The following PLD1 variants were observed in gnomAD, a reference collection of about 807,000 sequenced individuals.
PLD1 encodes the protein choline phosphatase 1.
Under a neutral mutation model 137.1 loss-of-function variants are expected in PLD1, and 112 were observed. The observed-to-expected ratio is 0.82, with a 90% confidence interval of 0.70 to 0.96. The LOEUF is 0.96. PLD1 is among the 40% of genes least tolerant of loss of function. PLD1 has a pLI of 0.00. For synonymous variants in PLD1, 431 were observed against 454.7 expected (o/e 0.95, Z 0.66); for missense variants, 1,321 against 1,342.0 (o/e 0.98, Z 0.24).
chr3:171,609,520 AC>A (rs1732483039), intron 25 of PLD1, among the ~76,000 whole-genome samples: 1 of 138,760 alleles, frequency 7.2e-6, no homozygotes, highest in African/African-American at 3.1e-5. Context: ...ACACACACAC[AC>A]ACACACACAC....
intron 1 of PLD1, among the ~76,000 whole-genome samples, chr3:171,808,153 T>C (rs4389507): frequency 0.12 from 18,520 of 152,108 alleles, 1,183 homozygotes; most frequent in Middle Eastern, 0.21. Flanking sequence ...GGACCAGTTG[T>C]ACCCCCAACC....
intron 23 of PLD1, among the ~76,000 whole-genome samples, chr3:171,639,289 CTATA>C (rs1209171781): frequency 2.3e-5 from 3 of 132,444 alleles, no homozygotes; most frequent in Non-Finnish European, 4.7e-5. Flanking sequence ...CATATATTAT[CTATA>C]TATAAATATA....
intron 21 of PLD1, among the ~76,000 whole-genome samples, chr3:171,646,249 T>A (rs1736203658): frequency 6.6e-6 from 1 of 152,240 alleles, no homozygotes; most frequent in Admixed American, 6.5e-5. Context: ...GAGGACTATA[T>A]TCACACAAAG....
intron 22 of PLD1, chr3:171,643,165 C>T (rs1735913260): frequency 3.2e-6 from 1 of 312,224 alleles, no homozygotes; most frequent in African/African-American, 2.2e-5. Flanking sequence ...AAAGAAGGGT[C>T]ATGAATGAAC....
At chr3:171,736,612 G>A in intron 3 of PLD1, among the ~76,000 whole-genome samples, 1 of 152,110 alleles carries the variant, frequency 6.6e-6, no homozygotes, top group South Asian at 2.1e-4. Flanking sequence ...CAGGTAGGCT[G>A]GGACACAGCA....
rs1431844134 is a variant in PLD1, at chr3:171,687,701, CA to C, written c.1540-118del. The C allele has an allele frequency of 5.9e-6, 4 of 675,386 alleles. No individual in the cohort carries two copies. In the Admixed American group the frequency reaches 1.1e-4, roughly 19 times the overall value. 41.8% of individuals were successfully genotyped at this position (675,386 alleles called of 1,614,324 possible). ...CAAATGATGGAGGTTCTATAACAGA[CA>C]TGCAATAATGTCTGAGGTCAGCCAC... On this transcript the variant is annotated intron_variant, in intron 14 of 26. Transcript: ENST00000351298.
rs568547951 is a variant in PLD1 at position 171,638,771 on chromosome 3, T to C, written c.2593+4069A>G. Among the ~76,000 whole-genome samples, 6 of 152,316 alleles carry C rather than the reference T, an allele frequency of 3.9e-5. No individual in the cohort carries two copies. In the East Asian group the frequency reaches 5.8e-4, roughly 15 times the overall value. The stretch of plus-strand genomic sequence containing the variant: ...CTGGGCCAAGAGGTGCCCAGTTTAA[T>C]ATTGTTTCTGAGTGTGTCTGTGAGG... On this transcript the variant is annotated intron_variant, in intron 23 of 26. Coordinates refer to ENST00000351298, the MANE Select transcript of PLD1 (RefSeq NM_002662.5).
At chr3:171,722,428 T>A (rs1034649105) in intron 8 of PLD1, among the ~76,000 whole-genome samples, 1 of 152,138 alleles carries the variant, frequency 6.6e-6, no homozygotes, top group African/African-American at 2.4e-5. Flanking sequence ...TTCCAAAATA[T>A]CTTCATTGGC....
intron 19 of PLD1, among the ~76,000 whole-genome samples, chr3:171,667,568 G>A (rs1030410156): frequency 2.6e-5 from 4 of 152,170 alleles, no homozygotes; most frequent in Non-Finnish European, 5.9e-5. Context: ...AGAAGCAAAA[G>A]GAGAGTTAGG....
At chr3:171,752,814 C>T (rs1006890316) in intron 1 of PLD1, among the ~76,000 whole-genome samples, 9 of 152,172 alleles carry the variant, frequency 5.9e-5, no homozygotes, top group African/African-American at 2.2e-4. Flanking sequence ...GTATGGTGCA[C>T]ATATTTGGTG....
intron 9 of PLD1, among the ~76,000 whole-genome samples, chr3:171,710,869 G>GTTTTTTTTT (rs1281179100): frequency 1.0e-4 from 10 of 98,682 alleles, no homozygotes; most frequent in African/African-American, 4.4e-4. Context: ...TAGGAAAACT[G>GTTTTTTTTT]TTCTTTTTTT....
intron 11 of PLD1, 23 bp downstream of exon 11, chr3:171,708,732 A>T (rs1661627017): frequency 7.3e-7 from 1 of 1,368,408 alleles, no homozygotes; most frequent in African/African-American, 1.4e-5. Flanking sequence ...TCCAGAAAAA[A>T]ATTCCCAGGG....
intron 11 of PLD1, among the ~76,000 whole-genome samples, chr3:171,703,969 A>C (rs1452949742): frequency 2.6e-5 from 4 of 152,260 alleles, no homozygotes; most frequent in Non-Finnish European, 1.5e-5. Flanking sequence ...GTGCCATCAG[A>C]GAAAGCACAT....
At chr3:171,633,453 T>C (rs752967420) in intron 23 of PLD1, among the ~76,000 whole-genome samples, 8 of 152,056 alleles carry the variant, frequency 5.3e-5, no homozygotes, top group Non-Finnish European at 1.0e-4. Flanking sequence ...GTTGTGAACA[T>C]TGGTGTGTGC....
At chr3:171,748,673 G>C (rs890951698) in intron 1 of PLD1, among the ~76,000 whole-genome samples, 2 of 151,872 alleles carry the variant, frequency 1.3e-5, no homozygotes, top group Non-Finnish European at 2.9e-5. Context: ...TACTAAAAAT[G>C]TTTGTTGAGG....
At chr3:171,724,670 A>G (rs201760659) in intron 8 of PLD1, 26 bp downstream of exon 8, 1 of 1,385,970 alleles carries the variant, frequency 7.2e-7, no homozygotes, top group Non-Finnish European at 1.0e-6. Flanking sequence ...AAAACAAACA[A>G]ATACACAAAA....
At chr3:171,688,551 A>C (rs765950971) in intron 14 of PLD1, 125 bp downstream of exon 14, 3 of 765,502 alleles carry the variant, frequency 3.9e-6, no homozygotes, top group Non-Finnish European at 6.6e-6. Context: ...TTGACTTAAA[A>C]TGTTCTTTTC....
In PLD1 at chr3:171,734,683, C is replaced by G. The variant is rs556595877; in HGVS notation, c.540+182G>C. 2.6e-5 allele frequency among the ~76,000 whole-genome samples: 4 copies of G among 152,258 alleles called. No homozygotes were observed. The South Asian group carries it at 8.3e-4, about 32-fold the overall frequency. On this transcript the variant is annotated intron_variant, in intron 5 of 26. Transcript: ENST00000351298. ...ACGCTCTTCCTCTTCTGAGAAAATG[C>G]ACTGTATGGCTTGGGGAAAGAAGGG... is the stretch of plus-strand genomic sequence containing the variant.
At chr3:171,608,773 A>G (rs1221171095) in intron 25 of PLD1, among the ~76,000 whole-genome samples, 2 of 152,180 alleles carry the variant, frequency 1.3e-5, no homozygotes, top group Non-Finnish European at 2.9e-5. Context: ...GCAGATGTTA[A>G]TTGTAAAAAG....
Sources: gnomAD v4.1 joint callset for allele counts (sites outside exome capture counted in the v4.1 genomes callset) on GRCh38, gnomAD v4.1.1 for gene constraint, MANE v1.5 for transcripts, NCBI Gene and HGNC (gene_info 2026-07-23, HGNC 2026-07-21) for gene names.